PITPNC1: variants seen among roughly 807,000 people sequenced by gnomAD.
The protein encoded by PITPNC1 is cytoplasmic phosphatidylinositol transfer protein 1.
Under a neutral mutation model 44.7 loss-of-function variants are expected in PITPNC1, and 18 were observed. The observed-to-expected ratio is 0.40, with a 90% CI of 0.28 to 0.60. The LOEUF (loss-of-function observed/expected upper bound fraction) is 0.60. PITPNC1 is among the 20% of genes least tolerant of loss of function. The pLI is 0.39. For synonymous variants in PITPNC1, 141 were observed against 149.6 expected, an observed-to-expected ratio of 0.94 and a Z score of 0.42; for missense variants, 290 against 418.4, an observed-to-expected ratio of 0.69 and a Z score of 2.68.
intron 4 of PITPNC1, among the ~76,000 whole-genome samples, chr17:67,572,661 A>G (rs1300011172): frequency 2.6e-5 from 4 of 151,938 alleles, no homozygotes; most frequent in Non-Finnish European, 5.9e-5. Context: ...GAATGCTGCC[A>G]GCATGCATGG....
chr17:67,564,017 T>C (rs972972582), intron 4 of PITPNC1, among the ~76,000 whole-genome samples: 28 of 136,764 alleles, frequency 2.0e-4, no homozygotes, highest in African/African-American at 8.2e-4. Flanking sequence ...ATTAAGTAGA[T>C]AGATAGATGA....
intron 5 of PITPNC1, among the ~76,000 whole-genome samples, chr17:67,599,034 A>ATTTATTTTTTT (rs2041506907): frequency 2.8e-5 from 1 of 35,688 alleles, no homozygotes; most frequent in Non-Finnish European, 4.9e-5. Context: ...ATATATATAT[A>ATTTATTTTTTT]TTTTTTTTTT....
chr17:67,473,128 G>A (rs1048992348), intron 1 of PITPNC1, among the ~76,000 whole-genome samples: 6 of 151,974 alleles, frequency 3.9e-5, no homozygotes, highest in Admixed American at 6.5e-5. Flanking sequence ...CACCCGCCTT[G>A]GCCTCCCAAA....
chr17:67,494,185 T>TTCTCTTTCTTTC, intron 1 of PITPNC1, among the ~76,000 whole-genome samples: 1 of 102,428 alleles, frequency 9.8e-6, no homozygotes, highest in Non-Finnish European at 2.1e-5. Context: ...CTTTCTTTCT[T>TTCTCTTTCTTTC]TTTCTTTCTT....
chr17:67,492,568 G>A (rs2039878675), intron 1 of PITPNC1, among the ~76,000 whole-genome samples: 3 of 152,124 alleles, frequency 2.0e-5, no homozygotes, highest in Non-Finnish European at 4.4e-5. Flanking sequence ...AAGCCACCAA[G>A]TTTGTGGTGA....
chr17:67,529,021 C>T (rs1316395931), intron 1 of PITPNC1, among the ~76,000 whole-genome samples: 1 of 152,178 alleles, frequency 6.6e-6, no homozygotes, highest in East Asian at 1.9e-4. Flanking sequence ...TTGACCATCT[C>T]GGTGTCTGGG....
chr17:67,682,944 A>G (rs2042738366), intron 8 of PITPNC1, among the ~76,000 whole-genome samples: 1 of 151,818 alleles, frequency 6.6e-6, no homozygotes, highest in African/African-American at 2.4e-5. Flanking sequence ...GGTGAATCAC[A>G]AGGTCAGGAG....
intron 2 of PITPNC1, among the ~76,000 whole-genome samples, chr17:67,537,010 A>G (rs983768122): frequency 6.6e-6 from 1 of 152,238 alleles, no homozygotes; most frequent in African/African-American, 2.4e-5. Context: ...CTTATAGGCC[A>G]ATCTCAGTTG....
intron 5 of PITPNC1, among the ~76,000 whole-genome samples, chr17:67,601,246 G>A (rs565596481): frequency 4.6e-4 from 70 of 152,214 alleles, no homozygotes; most frequent in Non-Finnish European, 2.1e-4. Flanking sequence ...GACAGATCAC[G>A]TACAAAGGGA....
intron 1 of PITPNC1, among the ~76,000 whole-genome samples, chr17:67,498,364 C>T (rs745413098): frequency 1.4e-4 from 21 of 152,128 alleles, no homozygotes; most frequent in Non-Finnish European, 2.1e-4. Context: ...GAGGCCGAGG[C>T]GGGCAGATCA....
rs1035969960 is a variant in PITPNC1, at chr17:67,620,352, C to A, written c.367-11791C>A. ...TACAGGCGTGAGCCACTGCACCTGG[C>A]CTTAGAACCCTTTAAAACTCACACC... On this transcript the variant is annotated intron_variant, in intron 5 of 8. Coordinates refer to ENST00000581322, the MANE Select transcript of PITPNC1 (RefSeq NM_012417.4). Among the ~76,000 whole-genome samples the A allele has an allele frequency of 3.3e-5, 5 of 152,150 alleles. No individual in the cohort carries two copies. The South Asian group carries it at 1.0e-3, about 32-fold the overall frequency.
intron 6 of PITPNC1, among the ~76,000 whole-genome samples, chr17:67,640,541 A>G (rs565869909): frequency 4.0e-5 from 6 of 151,584 alleles, no homozygotes; most frequent in Non-Finnish European, 7.4e-5. Context: ...TTAGCCACGT[A>G]TGGTGGCGGG....
intron 6 of PITPNC1, among the ~76,000 whole-genome samples, chr17:67,636,833 T>C (rs886676512): frequency 1.3e-5 from 2 of 152,062 alleles, no homozygotes; most frequent in Admixed American, 1.3e-4. Flanking sequence ...CAAACAAATG[T>C]CTAACTGGCA....
chr17:67,623,460 A>G (rs776854677), intron 5 of PITPNC1, among the ~76,000 whole-genome samples: 4 of 152,000 alleles, frequency 2.6e-5, no homozygotes, highest in African/African-American at 9.7e-5. Context: ...GCTCACTGCA[A>G]TCTCCACCTC....
At chr17:67,530,557 C>A (rs1324561253) in intron 1 of PITPNC1, among the ~76,000 whole-genome samples, 1 of 152,172 alleles carries the variant, frequency 6.6e-6, no homozygotes, top group Non-Finnish European at 1.5e-5. Context: ...AAGACCCTAT[C>A]TCCAAATAAG....
At chr17:67,550,918 G>A (rs985387076) in intron 2 of PITPNC1, among the ~76,000 whole-genome samples, 6 of 152,038 alleles carry the variant, frequency 3.9e-5, no homozygotes, top group African/African-American at 1.4e-4. Flanking sequence ...AAAATTAGCC[G>A]GGCGTGGTGG....
chr17:67,386,082 C>T (rs1470276652), intron 1 of PITPNC1, among the ~76,000 whole-genome samples: 3 of 152,102 alleles, frequency 2.0e-5, no homozygotes, highest in Non-Finnish European at 2.9e-5. Flanking sequence ...TGTCTGATTG[C>T]GTGAGTGTGA....
chr17:67,509,324 G>T (rs1366118824), intron 1 of PITPNC1, among the ~76,000 whole-genome samples: 3 of 151,782 alleles, frequency 2.0e-5, no homozygotes, highest in Non-Finnish European at 4.4e-5. Flanking sequence ...ACGAGGTCAG[G>T]AGTTCAAGAC....
chr17:67,680,347 C>G (rs1404896483), intron 8 of PITPNC1, among the ~76,000 whole-genome samples: 1 of 152,054 alleles, frequency 6.6e-6, no homozygotes. Context: ...CACCTGTAAC[C>G]CCAGCACTTT....
Sources: gnomAD v4.1 joint callset for allele counts (sites outside exome capture counted in the v4.1 genomes callset) on GRCh38, gnomAD v4.1.1 for gene constraint, MANE v1.5 for transcripts, NCBI Gene and HGNC (gene_info 2026-07-23, HGNC 2026-07-21) for gene names.